The following TRPC5 variants were observed in gnomAD, a reference collection of about 807,000 sequenced individuals.
The protein encoded by TRPC5 is transient receptor potential cation channel subfamily C member 5, also known as short transient receptor potential channel 5.
Under a neutral mutation model 56.5 loss-of-function variants are expected in TRPC5, and 9 were observed. That is an observed-to-expected ratio of 0.16 (90% CI 0.10 to 0.28). TRPC5 has a LOEUF of 0.28. Ranked by LOEUF, TRPC5 falls within the 10% of genes least tolerant of loss-of-function variation. The probability of loss-of-function intolerance (pLI) is 1.00; values close to 1 mark genes in which losing one functional copy is unlikely to be tolerated. For missense variants in TRPC5, 469 were observed against 748.9 expected (o/e 0.63, Z 4.36); for synonymous variants, 282 against 278.5 (o/e 1.01, Z -0.13).
At chrX:111,865,030 G>T (rs185412766) in intron 3 of TRPC5, among the ~76,000 whole-genome samples, 4 of 110,316 alleles carry the variant, frequency 3.6e-5, no homozygotes, top group African/African-American at 1.3e-4. Flanking sequence ...ACAGAGTACC[G>T]CTCTGTCTGG....
At chrX:111,796,904 C>A (rs1921116104) in intron 7 of TRPC5, among the ~76,000 whole-genome samples, 2 of 112,035 alleles carry the variant, frequency 1.8e-5, no homozygotes, top group East Asian at 2.8e-4. Context: ...TTTTTATCAG[C>A]CTCTTTTTAG....
intron 7 of TRPC5, among the ~76,000 whole-genome samples, chrX:111,782,806 A>AC (rs370996561): frequency 7.6e-5 from 7 of 92,123 alleles, no homozygotes; most frequent in South Asian, 5.9e-4. Flanking sequence ...CATTATAATC[A>AC]ACACACACAC....
intron 7 of TRPC5, among the ~76,000 whole-genome samples, chrX:111,812,525 C>G (rs1445492273): frequency 8.9e-6 from 1 of 112,027 alleles, no homozygotes; most frequent in East Asian, 2.8e-4. Flanking sequence ...AATTCATTAT[C>G]TAACTATCCA....
chrX:111,992,998 C>T (rs1165045127), intron 1 of TRPC5, among the ~76,000 whole-genome samples: 2 of 110,264 alleles, frequency 1.8e-5, no homozygotes. Flanking sequence ...GTTTGCTGTA[C>T]CCATCAACTC....
chrX:111,839,935 C>T lies in TRPC5; in HGVS notation c.1701-4819G>A, dbSNP rs190095892. ...CCTACAATCCCAGCACTTTGGGAGG[C>T]CAAGTTGGGTGGATCACGAGGTCAG... On this transcript the variant is annotated intron_variant, in intron 6 of 10. Coordinates refer to ENST00000262839, the MANE Select transcript of TRPC5 (RefSeq NM_012471.3). Among the ~76,000 whole-genome samples, 125 of 111,347 alleles carry T rather than the reference C, an allele frequency of 1.1e-3. 1 individual carries two copies. Among genetic ancestry groups the T allele is most frequent in the African/African-American group, 3.9e-3 (119 of 30,671 alleles).
intron 1 of TRPC5, among the ~76,000 whole-genome samples, chrX:111,987,693 C>T (rs1044862359): frequency 1.8e-5 from 2 of 112,124 alleles, no homozygotes; most frequent in African/African-American, 3.2e-5. Context: ...GAATAATATT[C>T]GATTGTATAT....
In TRPC5 at chrX:111,848,251, C is replaced by T. The variant is rs192718335; in HGVS notation, c.1378-815G>A. Among the ~76,000 whole-genome samples, 226 of 111,254 alleles carry T rather than the reference C, an allele frequency of 2.0e-3. 1 individual carries two copies. The highest frequency in any genetic ancestry group is 6.8e-3 in the African/African-American group (208 of 30,623). On this transcript the variant is annotated intron_variant, in intron 5 of 10. Transcript: ENST00000262839. ...TTACCCATCCCAGGTTTCCAGCCCC[C>T]GGCATATTAGGAGTAGCCTTGTAGA...
At chrX:112,067,496 T>C (rs1930612561) in intron 1 of TRPC5, among the ~76,000 whole-genome samples, 1 of 112,640 alleles carries the variant, frequency 8.9e-6, no homozygotes, top group African/African-American at 3.2e-5. Context: ...ATGTCACTGC[T>C]TTAATGACTC....
At chrX:111,961,793 A>C (rs1300727548) in intron 1 of TRPC5, among the ~76,000 whole-genome samples, 1 of 112,059 alleles carries the variant, frequency 8.9e-6, no homozygotes, top group Non-Finnish European at 1.9e-5. Context: ...TTCCTAAATT[A>C]TTTTATTGAT....
intron 7 of TRPC5, among the ~76,000 whole-genome samples, chrX:111,807,956 C>CTGTGTGTG (rs60688414): frequency 0.015 from 1,366 of 91,895 alleles, 33 homozygotes; most frequent in African/African-American, 0.058. Flanking sequence ...CTCTCTCTCT[C>CTGTGTGTG]TGTGTGTGTG....
At chrX:111,803,172 A>G (rs7880900) in intron 7 of TRPC5, among the ~76,000 whole-genome samples, 5,836 of 111,798 alleles carry the variant, frequency 0.052, 369 homozygotes, top group African/African-American at 0.18. Context: ...AGCTTCATCC[A>G]TGTCCCTGCA....
At chrX:111,869,833 G>T (rs750212721) in intron 3 of TRPC5, among the ~76,000 whole-genome samples, 7 of 111,346 alleles carry the variant, frequency 6.3e-5, no homozygotes, top group Admixed American at 2.9e-4. Context: ...GTCTGTGTTG[G>T]AAAGCTTCTT....
At chrX:111,791,760 A>T (rs192557698) in intron 7 of TRPC5, among the ~76,000 whole-genome samples, 20 of 112,378 alleles carry the variant, frequency 1.8e-4, no homozygotes, top group Non-Finnish European at 2.8e-4. Context: ...TCTCATAAGC[A>T]ATGGAACAGC....
intron 2 of TRPC5, among the ~76,000 whole-genome samples, chrX:111,931,543 T>C (rs1189376067): frequency 8.9e-6 from 1 of 112,303 alleles, no homozygotes; most frequent in Non-Finnish European, 1.9e-5. Flanking sequence ...CAGTGGACAT[T>C]GAAACCCTTC....
At chrX:112,064,702 G>C (rs1243531668) in intron 1 of TRPC5, among the ~76,000 whole-genome samples, 2 of 112,284 alleles carry the variant, frequency 1.8e-5, no homozygotes, top group African/African-American at 6.5e-5. Flanking sequence ...GAAAGGGAAG[G>C]CATCTCTCTT....
At chrX:111,942,267 C>G (rs754722264) in intron 2 of TRPC5, among the ~76,000 whole-genome samples, 10 of 112,301 alleles carry the variant, frequency 8.9e-5, no homozygotes, top group African/African-American at 2.9e-4. Flanking sequence ...AAAGCACTAA[C>G]TGGATATTTC....
intron 1 of TRPC5, among the ~76,000 whole-genome samples, chrX:111,980,897 T>C (rs1188378383): frequency 4.1e-5 from 4 of 98,742 alleles, no homozygotes; most frequent in Non-Finnish European, 8.0e-5. Flanking sequence ...AATATATATA[T>C]ATATTATATA....
intron 1 of TRPC5, among the ~76,000 whole-genome samples, chrX:111,991,136 T>C (rs966167625): frequency 2.7e-5 from 3 of 111,936 alleles, no homozygotes; most frequent in African/African-American, 9.7e-5. Context: ...TGCAGGGCTG[T>C]TAGAGACCTT....
intron 3 of TRPC5, among the ~76,000 whole-genome samples, chrX:111,871,675 C>A (rs1305184110): frequency 8.9e-6 from 1 of 111,796 alleles, no homozygotes; most frequent in Non-Finnish European, 1.9e-5. Flanking sequence ...AATGTTAGTT[C>A]TTTTCATCAT....
Sources: gnomAD v4.1 joint callset for allele counts (sites outside exome capture counted in the v4.1 genomes callset) on GRCh38, gnomAD v4.1.1 for gene constraint, MANE v1.5 for transcripts, NCBI Gene and HGNC (gene_info 2026-07-23, HGNC 2026-07-21) for gene names.